Variants in FXR2 observed in about 807,000 individuals in gnomAD.
FXR2 encodes the protein RNA-binding protein FXR2.
A neutral mutation model predicts 87.3 loss-of-function variants in FXR2; 9 were observed. The ratio of observed to expected loss-of-function variants is 0.10; its 90% CI spans 0.06 to 0.18. FXR2 has a LOEUF of 0.18. Ranked by LOEUF, FXR2 falls within the 10% of genes least tolerant of loss-of-function variation. The probability of loss-of-function intolerance (pLI) is 1.00; values close to 1 mark genes in which losing one functional copy is unlikely to be tolerated. For missense variants in FXR2, 661 were observed against 893.6 expected, an observed-to-expected ratio of 0.74 and a Z score of 3.32; for synonymous variants, 331 against 328.3, an observed-to-expected ratio of 1.01 and a Z score of -0.09.
intron 3 of FXR2, 69 bp downstream of exon 3, chr17:7,605,576 C>G (rs958374182): frequency 4.8e-6 from 4 of 826,470 alleles, no homozygotes; most frequent in Non-Finnish European, 6.1e-6. Flanking sequence ...GGAACATGAA[C>G]CAACCAGAGA....
chr17:7,607,881 C>T (rs1328671698), intron 1 of FXR2, among the ~76,000 whole-genome samples: 4 of 152,206 alleles, frequency 2.6e-5, no homozygotes, highest in Middle Eastern at 3.4e-3. Flanking sequence ...CCGCAACCTC[C>T]GCCTCCCAGG....
At chr17:7,600,164 G>C (rs556397313) in intron 7 of FXR2, among the ~76,000 whole-genome samples, 1 of 152,130 alleles carries the variant, frequency 6.6e-6, no homozygotes, top group South Asian at 2.1e-4. Context: ...CTCCCAAAGT[G>C]CTGGGATTAC....
At position 7,592,221 on chromosome 17, in the gene FXR2, A is replaced by C. The variant is rs1203979601; in HGVS notation, c.1926+33T>G. The C allele has an allele frequency of 6.4e-7, 1 of 1,551,198 alleles. No individual in the cohort carries two copies. The highest frequency in any genetic ancestry group is 1.8e-5 in the Admixed American group (1 of 56,966). ...CCCTGCCCCAGAGTAACAACAAAAA[A>C]GGGATGGGGTAAAGCACATCTTGCC... On this transcript the variant is annotated intron_variant, in intron 16 of 16. Transcript: ENST00000250113. The surrounding 1 kb of genome is among the most constrained non-coding windows in gnomAD (Gnocchi z 4.8).
chr17:7,592,182 A>C lies in FXR2; in HGVS notation c.1926+72T>G, dbSNP rs748567858. On this transcript the variant is annotated intron_variant, in intron 16 of 16. Coordinates refer to ENST00000250113, the MANE Select transcript of FXR2 (RefSeq NM_004860.4). The surrounding 1 kb of genome is among the most constrained non-coding windows in gnomAD (Gnocchi z 4.8). ...TCTGCAATTCAGTAGGAGATTTGTG[A>C]AATTTTTTGTGCCCCCTGCCCCAGA... The C allele has an allele frequency of 3.9e-6, 6 of 1,554,542 alleles. No individual in the cohort carries two copies. In the South Asian group the frequency reaches 7.0e-5, roughly 18 times the overall value.
chr17:7,602,124 TA>T (rs1053955314), intron 6 of FXR2, among the ~76,000 whole-genome samples: 2 of 148,998 alleles, frequency 1.3e-5, no homozygotes, highest in African/African-American at 4.9e-5. Context: ...TTATCAGGTT[TA>T]AAAAAAAAGG....
intron 6 of FXR2, among the ~76,000 whole-genome samples, chr17:7,602,423 CCAGGCGCAATGG>C (rs1019405594): frequency 1.3e-5 from 2 of 152,116 alleles, no homozygotes; most frequent in African/African-American, 4.8e-5. Context: ...AAAAAATTAG[CCAGGCGCAATGG>C]CAGGCGCCTG....
At chr17:7,613,860 C>G (rs2071901782) in intron 1 of FXR2, 2 of 353,504 alleles carry the variant, frequency 5.7e-6, no homozygotes, top group Non-Finnish European at 1.1e-5. Context: ...AGCAACTTGA[C>G]TGATCCAACC....
At position 7,595,863 on chromosome 17, in the gene FXR2, C is replaced by G. The variant is rs764414701; in HGVS notation, c.792G>C (p.Glu264Asp). Residue 264 changes from glutamate (E) to aspartate (D), a missense_variant, in exon 8 of 17, where the codon GAG becomes GAC. Physicochemically the swap from Glu to Asp is conservative, Grantham distance 45. This residue lies in a region of FXR2 where 82 missense variants were observed against 214.4 expected (regional missense o/e 0.38). Coordinates refer to ENST00000250113, the MANE Select transcript of FXR2 (RefSeq NM_004860.4). This position sits in a 1 kb window ranked among gnomAD's most constrained non-coding sequence, Gnocchi z 4.7. Reference sequence around the variant, plus strand: ...GGAAAGTGCAGGTCTCTTCACCCAACTCAATGGCGGTCACCCCAGGTACTT... The same window carrying G: ...GGAAAGTGCAGGTCTCTTCACCCAAGTCAATGGCGGTCACCCCAGGTACTT... ...ARKVPGVTAI[E>D]LGEETCTFRI... 5.6e-6 allele frequency: 9 copies of G among 1,613,846 alleles called. No homozygotes were observed. In the Admixed American group the frequency reaches 1.3e-4, roughly 24 times the overall value.
intron 1 of FXR2, among the ~76,000 whole-genome samples, chr17:7,606,399 T>C (rs2071803579): frequency 2.0e-5 from 3 of 152,200 alleles, no homozygotes; most frequent in African/African-American, 7.2e-5. Flanking sequence ...ACCAATGATC[T>C]ACTCAGGCTC....
At chr17:7,605,584 A>T in intron 3 of FXR2, 61 bp downstream of exon 3, 1 of 869,582 alleles carries the variant, frequency 1.1e-6, no homozygotes. Flanking sequence ...AACCAACCAG[A>T]GAAAAGCCTA....
chr17:7,613,126 A>C (rs2071888908), intron 1 of FXR2, among the ~76,000 whole-genome samples: 1 of 152,078 alleles, frequency 6.6e-6, no homozygotes, highest in South Asian at 2.1e-4. Context: ...GAAGGAGTCA[A>C]AGAAAGACAT....
Position 7,594,709 on chromosome 17 carries a change from C to A in FXR2, c.880G>T (p.Asp294Tyr). The part of the protein sequence containing the change: ...QARSYLEFSE[D>Y]SVQVPRNLVG... ...AGGTTCCTGGGCACTTGCACTGAGT[C>A]CTCAGAAAACTCAAGGTAGCTTCGG... The change falls in exon 9 of 17, where the codon GAC becomes TAC. Residue 294 changes from aspartate to tyrosine, a missense_variant. Physicochemically the swap from Asp to Tyr is radical, Grantham distance 160. Coordinates refer to ENST00000250113, the MANE Select transcript of FXR2 (RefSeq NM_004860.4). This position sits in a 1 kb window ranked among gnomAD's most constrained non-coding sequence, Gnocchi z 5.1. 1 of 1,612,292 alleles carries A rather than the reference C, an allele frequency of 6.2e-7. No individual in the cohort carries two copies. Among genetic ancestry groups the A allele is most frequent in the Non-Finnish European group, 8.5e-7 (1 of 1,178,316 alleles).
intron 1 of FXR2, 82 bp downstream of exon 1, chr17:7,614,370 G>T: frequency 9.6e-7 from 1 of 1,038,800 alleles, no homozygotes; most frequent in Non-Finnish European, 1.4e-6. Flanking sequence ...AGCTCCAGAA[G>T]CTCGATCCCG....
At chr17:7,596,207 G>C (rs2071706660) in intron 7 of FXR2, 1 of 469,348 alleles carries the variant, frequency 2.1e-6, no homozygotes, top group South Asian at 2.7e-5. Flanking sequence ...GCCCAGGCTG[G>C]AGTGCAGTGG....
intron 1 of FXR2, among the ~76,000 whole-genome samples, chr17:7,609,282 C>A (rs1301380581): frequency 6.6e-6 from 1 of 152,194 alleles, no homozygotes; most frequent in Non-Finnish European, 1.5e-5. Flanking sequence ...TAATCAATCA[C>A]AAACACTTAC....
intron 1 of FXR2, among the ~76,000 whole-genome samples, chr17:7,611,877 C>T (rs1013399391): frequency 2.6e-5 from 4 of 152,232 alleles, no homozygotes; most frequent in Non-Finnish European, 5.9e-5. Flanking sequence ...GAAGATTAGC[C>T]TGAATTTAGG....
intron 6 of FXR2, 108 bp from the exon 7 acceptor site, chr17:7,601,633 A>C: frequency 1.4e-6 from 1 of 735,722 alleles, no homozygotes; most frequent in African/African-American, 1.7e-5. Flanking sequence ...AAGGGTTAAG[A>C]AATGAAGCTA....
Position 7,603,644 on chromosome 17 carries a change from G to C in FXR2, c.449+113C>G, listed in dbSNP as rs76379037. 7,355 of 938,364 alleles carry C rather than the reference G, an allele frequency of 7.8e-3. 339 individuals are homozygous for C. In the African/African-American group the frequency reaches 0.11, roughly 14 times the overall value. 58.1% of individuals were successfully genotyped at this position (938,364 alleles called of 1,614,324 possible). A position where few individuals can be genotyped will look rare whatever the true frequency, so the allele number is the denominator to read the frequency against. ...TCTTAGCAAGAAGGGCTCTAGTAGA[G>C]GGCCAGGGGAACAACAGAGAAAACT... On this transcript the variant is annotated intron_variant, in intron 5 of 16. Coordinates refer to ENST00000250113, the MANE Select transcript of FXR2 (RefSeq NM_004860.4).
chr17:7,614,305 C>T (rs1356947000), intron 1 of FXR2, 147 bp downstream of exon 1: 1 of 681,974 alleles, frequency 1.5e-6, no homozygotes, highest in African/African-American at 1.8e-5. Context: ...TAAGCGGTCT[C>T]CCAGGGAAGG....
Sources: allele counts gnomAD v4.1 joint callset (sites outside exome capture counted in the v4.1 genomes callset), GRCh38; gene constraint gnomAD v4.1.1; regional missense constraint gnomAD v4.1.1; non-coding constraint Gnocchi (gnomAD v3.1); transcripts MANE v1.5; gene names NCBI Gene and HGNC (gene_info 2026-07-23, HGNC 2026-07-21).